Variants in GLCCI1 observed in about 807,000 individuals in gnomAD.
GLCCI1 encodes glucocorticoid induced 1, also known as glucocorticoid-induced transcript 1 protein.
GLCCI1 carries 24 observed loss-of-function variants against 52.2 expected under a neutral mutation model. The observed-to-expected ratio is 0.46, with a 90% CI of 0.33 to 0.65. The LOEUF (loss-of-function observed/expected upper bound fraction) is 0.65, where lower values mean the gene tolerates loss of function less well. Among genes scored for constraint, GLCCI1 ranks in the 30% least tolerant of loss-of-function variants. GLCCI1 has a pLI of 0.02. For synonymous variants in GLCCI1, 310 were observed against 276.5 expected, an observed-to-expected ratio of 1.12 and a Z score of -1.20; for missense variants, 704 against 701.5, an observed-to-expected ratio of 1.00 and a Z score of -0.04.
At chr7:7,971,913 A>G (rs2115398953) in intron 1 of GLCCI1, among the ~76,000 whole-genome samples, 2 of 152,240 alleles carry the variant, frequency 1.3e-5, no homozygotes, top group Middle Eastern at 6.8e-3. Flanking sequence ...CTGCTGTTTT[A>G]AACACCAGGT....
intron 1 of GLCCI1, chr7:7,970,496 G>C (rs1289701981): frequency 6.6e-6 from 1 of 151,768 alleles, no homozygotes; most frequent in Non-Finnish European, 1.5e-5. Flanking sequence ...CTCTACCGGA[G>C]ATTTTCATGG....
intron 3 of GLCCI1, among the ~76,000 whole-genome samples, chr7:8,033,175 A>C (rs1781793695): frequency 6.6e-6 from 1 of 152,006 alleles, no homozygotes; most frequent in Admixed American, 6.6e-5. Flanking sequence ...AAGTAGAGTC[A>C]GATGAAACAT....
intron 6 of GLCCI1, among the ~76,000 whole-genome samples, chr7:8,076,791 A>C (rs1344615920): frequency 6.6e-6 from 1 of 152,230 alleles, no homozygotes; most frequent in Non-Finnish European, 1.5e-5. Flanking sequence ...CTTTACTCTC[A>C]GTGAATAAAC....
rs1200092614 is a variant in GLCCI1, at chr7:8,087,943, C to CCTAA, written c.*1408_*1411dup. ...CATTCCTGATTGGTCAATGGGAGAG[C>CCTAA]CTAACTTTCATTGTTTTCTTCAGTA... On this transcript the variant is annotated 3_prime_UTR_variant, in exon 8 of 8. Coordinates refer to ENST00000223145, the MANE Select transcript of GLCCI1 (RefSeq NM_138426.4). The CCTAA allele has an allele frequency of 1.3e-5, 2 of 152,460 alleles. No individual in the cohort carries two copies. Among genetic ancestry groups the CCTAA allele is most frequent in the Non-Finnish European group, 2.9e-5 (2 of 68,018 alleles). 9.4% of individuals were successfully genotyped at this position (152,460 alleles called of 1,614,324 possible).
chr7:8,032,242 T>C (rs1350992349), intron 3 of GLCCI1, among the ~76,000 whole-genome samples: 1 of 152,058 alleles, frequency 6.6e-6, no homozygotes. Context: ...CAACTTAGAA[T>C]TTATGTATGC....
chr7:7,978,569 A>G (rs902711558), intron 1 of GLCCI1, among the ~76,000 whole-genome samples: 2 of 152,084 alleles, frequency 1.3e-5, no homozygotes, highest in African/African-American at 2.4e-5. Context: ...TAAGTTCTGC[A>G]TAGTAGTTAA....
intron 3 of GLCCI1, among the ~76,000 whole-genome samples, chr7:8,031,992 T>C (rs1171845889): frequency 6.6e-6 from 1 of 152,056 alleles, no homozygotes; most frequent in Non-Finnish European, 1.5e-5. Context: ...TGACAGTAAT[T>C]AGAGATTTCA....
At chr7:8,029,829 C>A (rs1176885355) in intron 3 of GLCCI1, among the ~76,000 whole-genome samples, 1 of 151,756 alleles carries the variant, frequency 6.6e-6, no homozygotes, top group Non-Finnish European at 1.5e-5. Flanking sequence ...AATTAAATAC[C>A]TTGGAATTAT....
intron 1 of GLCCI1, among the ~76,000 whole-genome samples, chr7:8,000,094 T>C (rs1285921665): frequency 6.6e-6 from 1 of 152,236 alleles, no homozygotes; most frequent in Non-Finnish European, 1.5e-5. Context: ...TGGTTATAGC[T>C]GACCTTTATA....
In GLCCI1 at chr7:7,969,876, G is replaced by A; in HGVS notation, c.457+69G>A. On this transcript the variant is annotated intron_variant, in intron 1 of 7. Coordinates refer to ENST00000223145, the MANE Select transcript of GLCCI1 (RefSeq NM_138426.4). This position sits in a 1 kb window ranked among gnomAD's most constrained non-coding sequence, Gnocchi z 4.9. ...GACGGTGCCCTCCGTGGAAACTTCA[G>A]CCTCTTCGGGCTTCTCTTTGCTAGT... 5.6e-6 allele frequency: 7 copies of A among 1,252,304 alleles called. No individual in the cohort carries two copies. Among genetic ancestry groups the A allele is most frequent in the Non-Finnish European group, 7.1e-6 (7 of 984,008 alleles). The allele number at this position is 1,252,304 out of a possible 1,614,324, so 77.6% of individuals were successfully genotyped here.
At position 7,969,857 on chromosome 7, in the gene GLCCI1, G is replaced by A. The variant is rs1268535594; in HGVS notation, c.457+50G>A. The A allele has an allele frequency of 4.5e-6, 6 of 1,336,538 alleles. No homozygotes were observed. In the African/African-American group the frequency reaches 6.2e-5, roughly 14 times the overall value. 82.8% of individuals were successfully genotyped at this position (1,336,538 alleles called of 1,614,324 possible). ...TCCCGGGCTGCGTCTCCCCGACGGT[G>A]CCCTCCGTGGAAACTTCAGCCTCTT... On this transcript the variant is annotated intron_variant, in intron 1 of 7. Coordinates refer to ENST00000223145, the MANE Select transcript of GLCCI1 (RefSeq NM_138426.4). This position sits in a 1 kb window ranked among gnomAD's most constrained non-coding sequence, Gnocchi z 4.9.
At chr7:8,065,422 C>T (rs1782611070) in intron 5 of GLCCI1, among the ~76,000 whole-genome samples, 1 of 152,148 alleles carries the variant, frequency 6.6e-6, no homozygotes, top group East Asian at 1.9e-4. Flanking sequence ...ATTGCTCCAG[C>T]CAGGACTTCC....
At chr7:8,047,875 C>T (rs960215236) in intron 3 of GLCCI1, among the ~76,000 whole-genome samples, 2 of 152,294 alleles carry the variant, frequency 1.3e-5, no homozygotes, top group East Asian at 3.9e-4. Flanking sequence ...GCTTTCTTAT[C>T]TCTTATGATA....
chr7:8,042,944 G>A (rs995468495), intron 3 of GLCCI1, among the ~76,000 whole-genome samples: 1 of 152,150 alleles, frequency 6.6e-6, no homozygotes, highest in East Asian at 1.9e-4. Context: ...GAAAGGAAAA[G>A]TCAGTCAATT....
chr7:8,088,361 C>T lies in GLCCI1; in HGVS notation c.*1823C>T. The T allele has an allele frequency of 6.6e-6, 1 of 152,000 alleles. No homozygotes were observed. Among genetic ancestry groups the T allele is most frequent in the South Asian group, 2.1e-4 (1 of 4,808 alleles). The allele number at this position is 152,000 out of a possible 1,614,324, so 9.4% of individuals were successfully genotyped here. A position where few individuals can be genotyped will look rare whatever the true frequency, so the allele number is the denominator to read the frequency against. ...TTCTCCTGAAGGTGCATTCTGGCTC[C>T]TTTAAATTAGTCAGTGTTATATTGT... On this transcript the variant is annotated 3_prime_UTR_variant, in exon 8 of 8. Transcript: ENST00000223145.
At chr7:8,004,749 T>C (rs1405695380) in intron 2 of GLCCI1, among the ~76,000 whole-genome samples, 1 of 152,232 alleles carries the variant, frequency 6.6e-6, no homozygotes, top group African/African-American at 2.4e-5. Context: ...GATACACATT[T>C]ATAAAAATTG....
intron 6 of GLCCI1, among the ~76,000 whole-genome samples, chr7:8,079,276 C>CAGTTTTTT (rs1782941530): frequency 1.0e-5 from 1 of 99,360 alleles, no homozygotes. Flanking sequence ...ACAATATGTT[C>CAGTTTTTT]TGTTTTTTGT....
At position 8,019,677 on chromosome 7, in the gene GLCCI1, A is replaced by G. The variant is rs888334878; in HGVS notation, c.610-2806A>G. Among the ~76,000 whole-genome samples, 9 of 152,318 alleles carry G rather than the reference A, an allele frequency of 5.9e-5. 1 individual carries two copies. Among genetic ancestry groups the G allele is most frequent in the Admixed American group, 6.5e-5 (1 of 15,302 alleles). ...GTGTAGCCTACTACACACTGAGGCT[A>G]TGTGGCATAGCCCGTTGCTCTTAGG... On this transcript the variant is annotated intron_variant, in intron 2 of 7. Coordinates refer to ENST00000223145, the MANE Select transcript of GLCCI1 (RefSeq NM_138426.4).
At chr7:8,052,934 T>G (rs1480043619) in intron 3 of GLCCI1, among the ~76,000 whole-genome samples, 3 of 152,320 alleles carry the variant, frequency 2.0e-5, no homozygotes, top group East Asian at 3.9e-4. Flanking sequence ...CTGAGAAAGA[T>G]TTCTGTCTTC....
Sources: gnomAD v4.1 joint callset for allele counts (sites outside exome capture counted in the v4.1 genomes callset) on GRCh38, gnomAD v4.1.1 for gene constraint, Gnocchi (gnomAD v3.1) non-coding constraint, MANE v1.5 for transcripts, NCBI Gene and HGNC (gene_info 2026-07-23, HGNC 2026-07-21) for gene names.